ZNF608: variants seen among roughly 807,000 people sequenced by gnomAD.
The protein encoded by ZNF608 is renal carcinoma antigen NY-REN-36.
A neutral mutation model predicts 109.0 loss-of-function variants in ZNF608; 12 were observed. That is an observed-to-expected ratio of 0.11 (90% CI 0.07 to 0.18). The LOEUF (loss-of-function observed/expected upper bound fraction) is 0.18. Ranked by LOEUF, ZNF608 falls within the 10% of genes least tolerant of loss-of-function variation. The probability of loss-of-function intolerance (pLI) is 1.00; values close to 1 mark genes in which losing one functional copy is unlikely to be tolerated. For synonymous variants in ZNF608, 732 were observed against 717.4 expected, an observed-to-expected ratio of 1.02 and a Z score of -0.33; for missense variants, 1,707 against 1,879.3, an observed-to-expected ratio of 0.91 and a Z score of 1.70.
intron 2 of ZNF608, among the ~76,000 whole-genome samples, chr5:124,721,768 T>A (rs1488123312): frequency 6.6e-6 from 1 of 150,950 alleles, no homozygotes; most frequent in East Asian, 1.9e-4. Flanking sequence ...AAACCCCATC[T>A]CTACTTTAAA....
Position 124,728,084 on chromosome 5 carries a change from A to G in ZNF608, c.906+16000T>C, listed in dbSNP as rs548426736. On this transcript the variant is annotated intron_variant, in intron 2 of 9. Coordinates refer to ENST00000513986, the MANE Select transcript of ZNF608 (RefSeq NM_020747.3). Reference sequence around the variant, plus strand: ...TCTGTAAAGGAGGTTCTCTCCAAACACAGCTTTACAAATAGGCAGAAGAGA... The same window carrying G: ...TCTGTAAAGGAGGTTCTCTCCAAACGCAGCTTTACAAATAGGCAGAAGAGA... Among the ~76,000 whole-genome samples the G allele has an allele frequency of 1.2e-4, 19 of 152,244 alleles. No homozygotes were observed. The East Asian group carries it at 2.5e-3, about 20-fold the overall frequency.
At chr5:124,688,846 A>T (rs188040092) in intron 3 of ZNF608, among the ~76,000 whole-genome samples, 2 of 152,366 alleles carry the variant, frequency 1.3e-5, no homozygotes, top group East Asian at 3.9e-4. Flanking sequence ...AAGTGTTTTC[A>T]TAACATCAGA....
At chr5:124,681,324 G>T (rs921080428) in intron 3 of ZNF608, among the ~76,000 whole-genome samples, 1 of 152,148 alleles carries the variant, frequency 6.6e-6, no homozygotes, top group African/African-American at 2.4e-5. Flanking sequence ...GGGCGTGATG[G>T]TGGGAGCCTG....
At position 124,744,690 on chromosome 5, in the gene ZNF608, C is replaced by A. The variant is rs1326561071; in HGVS notation, c.300G>T (p.Glu100Asp). The A allele has an allele frequency of 1.9e-6, 3 of 1,614,176 alleles. No homozygotes were observed. The highest frequency in any genetic ancestry group is 2.5e-6 in the Non-Finnish European group (3 of 1,180,046). ...ASAPQGNSHK[E>D]TSKSKVKRSK... The stretch of plus-strand genomic sequence containing the variant: ...TCCTTTTCACTTTTGATTTGCTGGT[C>A]TCTTTGTGTGAATTCCCCTGGGGAG... The change falls in exon 2 of 10, where the codon GAG (glutamate) becomes GAT (aspartate). Residue 100 changes from glutamate (E) to aspartate (D), a missense_variant. Around this residue, in one of 7 missense-constraint regions of ZNF608, gnomAD observed 407 missense variants for 398.7 expected, o/e 1.02. Coordinates refer to ENST00000513986, the MANE Select transcript of ZNF608 (RefSeq NM_020747.3). The surrounding 1 kb of genome is among the most constrained non-coding windows in gnomAD (Gnocchi z 4.5).
chr5:124,719,151 A>G (rs1352145323), intron 2 of ZNF608, among the ~76,000 whole-genome samples: 1 of 152,230 alleles, frequency 6.6e-6, no homozygotes, highest in Non-Finnish European at 1.5e-5. Flanking sequence ...TTTGAAGAAG[A>G]CAGATATAAA....
chr5:124,673,287 T>C (rs1751806996), intron 3 of ZNF608, among the ~76,000 whole-genome samples: 1 of 152,132 alleles, frequency 6.6e-6, no homozygotes, highest in Non-Finnish European at 1.5e-5. Context: ...TACAAATGAT[T>C]AGAAACACCA....
intron 3 of ZNF608, among the ~76,000 whole-genome samples, chr5:124,687,826 C>G (rs1752464582): frequency 6.6e-6 from 1 of 152,154 alleles, no homozygotes; most frequent in Non-Finnish European, 1.5e-5. Context: ...CTTTTAAAAA[C>G]TACCTTGATG....
At chr5:124,697,155 G>A (rs1752881195) in intron 3 of ZNF608, among the ~76,000 whole-genome samples, 1 of 149,414 alleles carries the variant, frequency 6.7e-6, no homozygotes, top group South Asian at 2.1e-4. Context: ...GAGTGGCAGA[G>A]CAGTAGTAAA....
chr5:124,706,359 T>C (rs999514599), intron 2 of ZNF608, among the ~76,000 whole-genome samples: 5 of 152,230 alleles, frequency 3.3e-5, no homozygotes, highest in Admixed American at 6.5e-5. Flanking sequence ...AAACAGGGGC[T>C]ATTGCTATTG....
chr5:124,687,906 T>A lies in ZNF608; in HGVS notation c.1162+13108A>T, dbSNP rs898082933. Among the ~76,000 whole-genome samples, 13 of 152,226 alleles carry A rather than the reference T, an allele frequency of 8.5e-5. No homozygotes were observed. In the South Asian group the frequency reaches 1.7e-3, roughly 19 times the overall value. ...AAGAGACTACAAGAGGAAATAAAAG[T>A]AGCAGGGGGCAGGACAGCACTTGGG... On this transcript the variant is annotated intron_variant, in intron 3 of 9. Transcript: ENST00000513986.
At chr5:124,715,358 T>G (rs1310031297) in intron 2 of ZNF608, among the ~76,000 whole-genome samples, 1 of 152,230 alleles carries the variant, frequency 6.6e-6, no homozygotes, top group Non-Finnish European at 1.5e-5. Context: ...CCAGAATATT[T>G]ATTATTTATT....
intron 3 of ZNF608, among the ~76,000 whole-genome samples, chr5:124,669,104 TG>T (rs932365801): frequency 3.7e-4 from 56 of 151,400 alleles, no homozygotes; most frequent in Non-Finnish European, 5.9e-5. Flanking sequence ...AAAAATCGGA[TG>T]GAGCAGTAGT....
intron 3 of ZNF608, among the ~76,000 whole-genome samples, chr5:124,671,641 CTTTT>C (rs66998925): frequency 6.9e-5 from 9 of 129,742 alleles, no homozygotes; most frequent in East Asian, 2.2e-4. Flanking sequence ...TGGGGCTTCT[CTTTT>C]TTTTTTTTTT....
intron 3 of ZNF608, among the ~76,000 whole-genome samples, chr5:124,663,206 G>C (rs150432960): frequency 0.024 from 3,725 of 152,312 alleles, 50 homozygotes; most frequent in Middle Eastern, 0.044. Context: ...GCACTCTAAA[G>C]GGGTGGCAGA....
At chr5:124,657,097 C>G (rs1293139479) in intron 3 of ZNF608, among the ~76,000 whole-genome samples, 1 of 152,192 alleles carries the variant, frequency 6.6e-6, no homozygotes, top group Non-Finnish European at 1.5e-5. Flanking sequence ...GAAGCCCAAG[C>G]TGCTTTTTTC....
intron 2 of ZNF608, among the ~76,000 whole-genome samples, chr5:124,735,442 G>A (rs1266601268): frequency 1.4e-4 from 21 of 152,204 alleles, no homozygotes; most frequent in Admixed American, 1.3e-3. Context: ...GCCCCCAGGA[G>A]CCCAGGGCCC....
rs1013022547 is a variant in ZNF608, at chr5:124,731,832, CA to C, written c.906+12251del. The stretch of plus-strand genomic sequence containing the variant: ...CAAAGCAAGACTCCATCTCAAAAAA[CA>C]AAAAAAAAGTTTGGAGTTTTAGACA... On this transcript the variant is annotated intron_variant, in intron 2 of 9. Coordinates refer to ENST00000513986, the MANE Select transcript of ZNF608 (RefSeq NM_020747.3). Among the ~76,000 whole-genome samples, 41 of 150,368 alleles carry C rather than the reference CA, an allele frequency of 2.7e-4. 1 individual carries two copies. The South Asian group carries it at 7.8e-3, about 28-fold the overall frequency.
intron 2 of ZNF608, among the ~76,000 whole-genome samples, chr5:124,726,036 A>G (rs772725796): frequency 5.5e-4 from 83 of 152,132 alleles, no homozygotes; most frequent in Admixed American, 8.5e-4. Context: ...ACTACCCTTT[A>G]CCCCAGAAAC....
chr5:124,721,991 T>C (rs1316131371), intron 2 of ZNF608, among the ~76,000 whole-genome samples: 1 of 94,184 alleles, frequency 1.1e-5, no homozygotes, highest in African/African-American at 4.1e-5. Flanking sequence ...AGCCAAATCA[T>C]CAAGTGGGAC....
Sources: gnomAD v4.1 joint callset for allele counts (sites outside exome capture counted in the v4.1 genomes callset) on GRCh38, gnomAD v4.1.1 for gene constraint, gnomAD v4.1.1 regional missense constraint, Gnocchi (gnomAD v3.1) non-coding constraint, MANE v1.5 for transcripts, NCBI Gene and HGNC (gene_info 2026-07-23, HGNC 2026-07-21) for gene names.